RYR3: variants seen among roughly 807,000 people sequenced by gnomAD.
RYR3 encodes the protein ryanodine receptor 3.
In RYR3, 207 loss-of-function variants were observed where a neutral mutation model predicts 584.3. The ratio of observed to expected loss-of-function variants is 0.35; its 90% CI spans 0.32 to 0.40. RYR3 has a LOEUF of 0.40. Among genes scored for constraint, RYR3 ranks in the 10% least tolerant of loss-of-function variants. The probability of loss-of-function intolerance (pLI) is 1.00; values close to 1 mark genes in which losing one functional copy is unlikely to be tolerated. For synonymous variants in RYR3, 2,416 were observed against 2,248.5 expected (o/e 1.07, Z -2.11); for missense variants, 5,616 against 6,089.2 (o/e 0.92, Z 2.59).
intron 1 of RYR3, among the ~76,000 whole-genome samples, chr15:33,359,835 A>G (rs946794061): frequency 8.6e-5 from 13 of 151,634 alleles, no homozygotes; most frequent in Non-Finnish European, 1.5e-4. Flanking sequence ...GTTAGCCAGG[A>G]TGGTCTCGAT....
At chr15:33,671,104 T>A (rs2063810300) in intron 38 of RYR3, among the ~76,000 whole-genome samples, 1 of 152,200 alleles carries the variant, frequency 6.6e-6, no homozygotes, top group African/African-American at 2.4e-5. Flanking sequence ...TTGTCTAGAT[T>A]TATCTCTCTA....
At chr15:33,470,186 G>A (rs750363980) in intron 1 of RYR3, among the ~76,000 whole-genome samples, 5 of 152,180 alleles carry the variant, frequency 3.3e-5, no homozygotes, top group Non-Finnish European at 7.4e-5. Flanking sequence ...GGCTGGGTTT[G>A]AAAGGTCTTA....
rs2058585042 is a variant in RYR3, at chr15:33,581,421, G to A, written c.1438-87G>A. ...CATATTGGCATTTTCAGCTTTAAAA[G>A]GTGAATGATACAGGAGGGGAAAGAG... is the stretch of plus-strand genomic sequence containing the variant. On this transcript the variant is annotated intron_variant, in intron 13 of 103. Transcript: ENST00000634891. 3.7e-6 allele frequency: 5 copies of A among 1,346,758 alleles called. No homozygotes were observed. The South Asian group carries it at 4.3e-5, about 11-fold the overall frequency. 83.4% of individuals were successfully genotyped at this position (1,346,758 alleles called of 1,614,324 possible).
At chr15:33,767,926 G>T (rs535117205) in intron 60 of RYR3, among the ~76,000 whole-genome samples, 1 of 152,284 alleles carries the variant, frequency 6.6e-6, no homozygotes, top group East Asian at 1.9e-4. Flanking sequence ...ACATCACAAG[G>T]CCCTCATTAG....
chr15:33,474,129 G>A (rs1225671772), intron 2 of RYR3, among the ~76,000 whole-genome samples: 3 of 152,088 alleles, frequency 2.0e-5, no homozygotes, highest in Non-Finnish European at 4.4e-5. Flanking sequence ...CATGATCTGT[G>A]TGTCAAGTGG....
chr15:33,531,084 T>G (rs1433878569), intron 4 of RYR3, among the ~76,000 whole-genome samples: 1 of 152,112 alleles, frequency 6.6e-6, no homozygotes, highest in Non-Finnish European at 1.5e-5. Flanking sequence ...AATGGAAATT[T>G]TGTGACAGTT....
chr15:33,700,225 G>A lies in RYR3; in HGVS notation c.6379+392G>A, dbSNP rs563496096. ...AGACCAAGGTCATGGATCGGATCTC[G>A]TCTTGGCAGGCTGGCTGCAGGCTGC... On this transcript the variant is annotated intron_variant, in intron 41 of 103. Coordinates refer to ENST00000634891, the MANE Select transcript of RYR3 (RefSeq NM_001036.6). Among the ~76,000 whole-genome samples the A allele has an allele frequency of 4.6e-5, 7 of 152,296 alleles. No homozygotes were observed. The South Asian group carries it at 1.2e-3, about 27-fold the overall frequency.
At chr15:33,338,777 A>G (rs1453883481) in intron 1 of RYR3, among the ~76,000 whole-genome samples, 1 of 152,238 alleles carries the variant, frequency 6.6e-6, no homozygotes, top group African/African-American at 2.4e-5. Flanking sequence ...TAGAAGGAGC[A>G]GTGAAATGAA....
chr15:33,472,586 G>T (rs2049018175), intron 1 of RYR3, among the ~76,000 whole-genome samples: 1 of 152,176 alleles, frequency 6.6e-6, no homozygotes, highest in South Asian at 2.1e-4. Flanking sequence ...AGGGAGCATG[G>T]CCTGACAGAT....
chr15:33,848,428 G>T lies in RYR3; in HGVS notation c.13628+7G>T, dbSNP rs371048044. 6 of 1,609,522 alleles carry T rather than the reference G, an allele frequency of 3.7e-6. No homozygotes were observed. Among genetic ancestry groups the T allele is most frequent in the Non-Finnish European group, 5.1e-6 (6 of 1,178,750 alleles). On this transcript the variant is annotated splice_region_variant and intron_variant, in intron 94 of 103. Transcript: ENST00000634891. ...GCTTGGTGATCAACACACCGTGAGT[G>T]TCCCTCTACCCCAACCTAAAAAGGA... is the stretch of plus-strand genomic sequence containing the variant.
chr15:33,384,691 T>C (rs1262040307), intron 1 of RYR3, among the ~76,000 whole-genome samples: 2 of 151,754 alleles, frequency 1.3e-5, no homozygotes, highest in Non-Finnish European at 2.9e-5. Context: ...TTTTTTGTGA[T>C]GAAAATATCT....
chr15:33,401,332 G>T (rs1464692233), intron 1 of RYR3, among the ~76,000 whole-genome samples: 1 of 152,090 alleles, frequency 6.6e-6, no homozygotes, highest in Non-Finnish European at 1.5e-5. Flanking sequence ...CCTTGCAATA[G>T]CCCTGGTCAG....
At chr15:33,455,596 A>C (rs145949824) in intron 1 of RYR3, among the ~76,000 whole-genome samples, 506 of 152,308 alleles carry the variant, frequency 3.3e-3, no homozygotes, top group Non-Finnish European at 5.0e-3. Flanking sequence ...AGGTCAGAAG[A>C]TGTCCCTCAT....
chr15:33,349,586 T>TC (rs1972937264), intron 1 of RYR3, among the ~76,000 whole-genome samples: 1 of 148,082 alleles, frequency 6.8e-6, no homozygotes, highest in Non-Finnish European at 1.5e-5. Context: ...CTTTTTTTTT[T>TC]CTTCAGATTT....
rs114374205 is a variant in RYR3 at position 33,838,347 on chromosome 15, G to A, written c.12367G>A (p.Val4123Met). Residue 4123 changes from valine (V) to methionine (M), a missense_variant, in exon 89 of 104, where the codon GTG becomes ATG. Transcript: ENST00000634891. Reference protein sequence around the residue: ...EEEEDEDSSYVLEIAGEEEED... With the variant: ...EEEEDEDSSYMLEIAGEEEED... ...GGAAGAAGATGAAGATTCTTCTTAC[G>A]TGTTAGAAATTGCGGGTGAAGAGGA... is the stretch of plus-strand genomic sequence containing the variant. The A allele has an allele frequency of 7.6e-5, 123 of 1,613,984 alleles. No individual in the cohort carries two copies. The African/African-American group carries it at 1.3e-3, about 17-fold the overall frequency.
At chr15:33,817,030 G>T (rs1199537196) in intron 75 of RYR3, 72 bp downstream of exon 75, 3 of 896,636 alleles carry the variant, frequency 3.3e-6, no homozygotes, top group Non-Finnish European at 5.3e-6. Context: ...GTGTGTGGTT[G>T]TAACAGTTAA....
chr15:33,742,311 C>T (rs1235685559), intron 51 of RYR3, 55 bp from the exon 52 acceptor site: 16 of 1,103,188 alleles, frequency 1.5e-5, no homozygotes, highest in African/African-American at 3.1e-5. Flanking sequence ...CTATCTTCTA[C>T]TATGTCTGGC....
At position 33,842,001 on chromosome 15, in the gene RYR3, T is replaced by G; in HGVS notation, c.13175T>G (p.Phe4392Cys). ...EKPEAFTANFFKGLEIYQTKL... is the reference protein window; with the variant it reads ...EKPEAFTANFCKGLEIYQTKL... ...CCGGAAGCTTTCACAGCCAATTTCT[T>G]TAAAGGGCTGGAAATCTATCAGACC... Residue 4392 changes from phenylalanine (F) to cysteine (C), a missense_variant, in exon 91 of 104, where the codon TTT becomes TGT. Physicochemically the swap from Phe to Cys is radical, Grantham distance 205 (BLOSUM62 -2). This residue lies in a region of RYR3 where 918 missense variants were observed against 887.4 expected (regional missense o/e 1.03). Coordinates refer to ENST00000634891, the MANE Select transcript of RYR3 (RefSeq NM_001036.6). 1 of 1,603,492 alleles carries G rather than the reference T, an allele frequency of 6.2e-7. No homozygotes were observed. Among genetic ancestry groups the G allele is most frequent in the Non-Finnish European group, 8.5e-7 (1 of 1,174,814 alleles).
At position 33,860,615 on chromosome 15, in the gene RYR3, GGAGAGCTAA is replaced by G; in HGVS notation, c.14325_14333del (p.Glu4775_Arg4777del). 6.3e-7 allele frequency: 1 copy of G among 1,591,492 alleles called. No individual in the cohort carries two copies. The highest frequency in any genetic ancestry group is 8.6e-7 in the Non-Finnish European group (1 of 1,167,454). On this transcript the variant is annotated inframe_deletion, in exon 101 of 104. Transcript: ENST00000634891. Reference sequence around the variant, plus strand: ...TCCAGGTCTTATTATTGATGCTTTCGGAGAGCTAAGAGACCAGCAGGAACAAGTACGAGA... The same window carrying G: ...TCCAGGTCTTATTATTGATGCTTTCGGAGACCAGCAGGAACAAGTACGAGA...
Sources: gnomAD v4.1 joint callset for allele counts (sites outside exome capture counted in the v4.1 genomes callset) on GRCh38, gnomAD v4.1.1 for gene constraint, gnomAD v4.1.1 regional missense constraint, MANE v1.5 for transcripts, NCBI Gene and HGNC (gene_info 2026-07-23, HGNC 2026-07-21) for gene names.